PDE4B: variants seen among roughly 807,000 people sequenced by gnomAD.
The protein encoded by PDE4B is phosphodiesterase 4B, also known as 3',5'-cyclic-AMP phosphodiesterase 4B.
PDE4B carries 20 observed loss-of-function variants against 82.2 expected under a neutral mutation model. That is an observed-to-expected ratio of 0.24 (90% CI 0.17 to 0.35). The LOEUF is 0.35. PDE4B is among the 10% of genes least tolerant of loss of function. The pLI is 1.00. For synonymous variants in PDE4B, 320 were observed against 318.9 expected, an observed-to-expected ratio of 1.00 and a Z score of -0.04; for missense variants, 655 against 907.2, an observed-to-expected ratio of 0.72 and a Z score of 3.57.
chr1:66,006,679 G>A (rs780808252), intron 3 of PDE4B, among the ~76,000 whole-genome samples: 1 of 152,032 alleles, frequency 6.6e-6, no homozygotes, highest in Non-Finnish European at 1.5e-5. Flanking sequence ...TCATGGAGGA[G>A]GTTCCCCCAT....
intron 1 of PDE4B, among the ~76,000 whole-genome samples, chr1:65,879,458 A>G (rs1174122294): frequency 1.3e-5 from 2 of 152,334 alleles, no homozygotes; most frequent in African/African-American, 4.8e-5. Flanking sequence ...ATAAATAAAT[A>G]ACATATAAAA....
intron 3 of PDE4B, among the ~76,000 whole-genome samples, chr1:65,982,236 T>C (rs910143842): frequency 2.0e-5 from 3 of 152,228 alleles, no homozygotes; most frequent in Non-Finnish European, 4.4e-5. Flanking sequence ...CGTGGCCTAC[T>C]TGTGTTCTAG....
intron 3 of PDE4B, among the ~76,000 whole-genome samples, chr1:65,929,563 C>T (rs1647713929): frequency 6.6e-6 from 1 of 152,196 alleles, no homozygotes; most frequent in Non-Finnish European, 1.5e-5. Context: ...GGAAATAAGA[C>T]TTTCACTTAG....
At position 65,965,752 on chromosome 1, in the gene PDE4B, A is replaced by G. The variant is rs58979148; in HGVS notation, c.281+46917A>G. Among the ~76,000 whole-genome samples the G allele has an allele frequency of 2.1e-4, 32 of 152,056 alleles. No individual in the cohort carries two copies. In the East Asian group the frequency reaches 5.0e-3, roughly 24 times the overall value. ...ATTGGCACTCAACAAAAACATGCATATTTTTCTTTAAGACTGTTGAATAAA... is the reference window on the plus strand; with the variant it reads ...ATTGGCACTCAACAAAAACATGCATGTTTTTCTTTAAGACTGTTGAATAAA... On this transcript the variant is annotated intron_variant, in intron 3 of 16. Transcript: ENST00000341517.
intron 3 of PDE4B, among the ~76,000 whole-genome samples, chr1:66,037,479 T>C (rs948013439): frequency 6.6e-6 from 1 of 152,216 alleles, no homozygotes; most frequent in Non-Finnish European, 1.5e-5. Flanking sequence ...CCTGTAACTT[T>C]ACTGAATTTG....
intron 3 of PDE4B, among the ~76,000 whole-genome samples, chr1:66,190,088 C>T (rs1483978418): frequency 6.6e-6 from 1 of 152,184 alleles, no homozygotes; most frequent in Non-Finnish European, 1.5e-5. Context: ...TTGGAGTTTA[C>T]TGGAGGTCCA....
chr1:66,148,043 G>A, intron 3 of PDE4B, among the ~76,000 whole-genome samples: 1 of 152,166 alleles, frequency 6.6e-6, no homozygotes, highest in Non-Finnish European at 1.5e-5. Flanking sequence ...GGTGGAGATA[G>A]ATGGATTCTT....
At chr1:66,198,259 A>G (rs969926118) in intron 3 of PDE4B, among the ~76,000 whole-genome samples, 2 of 152,150 alleles carry the variant, frequency 1.3e-5, no homozygotes, top group Admixed American at 6.6e-5. Context: ...CTTCTGAGTG[A>G]TTGCAAAATA....
chr1:66,330,761 C>T (rs780317164), intron 7 of PDE4B: 27 of 985,148 alleles, frequency 2.7e-5, no homozygotes, highest in East Asian at 1.1e-4. Context: ...GGGGTTGTTT[C>T]GGACACACTA....
At chr1:65,977,094 A>G (rs1386544202) in intron 3 of PDE4B, among the ~76,000 whole-genome samples, 1 of 152,208 alleles carries the variant, frequency 6.6e-6, no homozygotes, top group African/African-American at 2.4e-5. Flanking sequence ...TTGATCTACT[A>G]GTTATAATTC....
chr1:66,350,272 A>T (rs186223269), intron 8 of PDE4B, among the ~76,000 whole-genome samples: 4 of 152,262 alleles, frequency 2.6e-5, no homozygotes, highest in Admixed American at 2.0e-4. Context: ...CTGCAAAAAC[A>T]GGAAGATCCC....
At chr1:65,806,332 T>C (rs992545554) in intron 1 of PDE4B, among the ~76,000 whole-genome samples, 6 of 152,232 alleles carry the variant, frequency 3.9e-5, no homozygotes, top group Admixed American at 2.0e-4. Context: ...ATTTTATGTA[T>C]GACTAAGAAA....
chr1:66,295,372 C>T (rs1657430437), intron 7 of PDE4B, among the ~76,000 whole-genome samples: 1 of 152,138 alleles, frequency 6.6e-6, no homozygotes, highest in Non-Finnish European at 1.5e-5. Flanking sequence ...CTTACCTTTA[C>T]TATATATGCT....
chr1:66,263,871 G>T (rs550028647), intron 6 of PDE4B, among the ~76,000 whole-genome samples: 6 of 152,102 alleles, frequency 3.9e-5, no homozygotes, highest in African/African-American at 1.4e-4. Context: ...GCAGGAAAGG[G>T]GCAGCACATA....
chr1:66,037,894 T>C (rs1180433081), intron 3 of PDE4B, among the ~76,000 whole-genome samples: 1 of 152,188 alleles, frequency 6.6e-6, no homozygotes, highest in Non-Finnish European at 1.5e-5. Context: ...ATATTAAAGC[T>C]TCCTCTATTA....
chr1:65,950,318 A>G (rs1231379841), intron 3 of PDE4B, among the ~76,000 whole-genome samples: 1 of 152,076 alleles, frequency 6.6e-6, no homozygotes, highest in African/African-American at 2.4e-5. Context: ...TCCAAGGACT[A>G]TCAACATTCC....
At chr1:66,082,415 G>A (rs1185067897) in intron 3 of PDE4B, among the ~76,000 whole-genome samples, 1 of 152,004 alleles carries the variant, frequency 6.6e-6, no homozygotes, top group African/African-American at 2.4e-5. Context: ...CATTACTTCT[G>A]TTTCTCTTTT....
At chr1:66,007,614 G>T (rs983855680) in intron 3 of PDE4B, among the ~76,000 whole-genome samples, 3 of 152,102 alleles carry the variant, frequency 2.0e-5, no homozygotes, top group Admixed American at 6.5e-5. Flanking sequence ...CCCCTGTTAT[G>T]GTGACATACT....
chr1:65,917,323 A>G (rs1447270865), intron 2 of PDE4B, among the ~76,000 whole-genome samples: 2 of 152,218 alleles, frequency 1.3e-5, no homozygotes, highest in Admixed American at 1.3e-4. Flanking sequence ...GTCTAGTCTC[A>G]GGTTCTCCTA....
Sources: gnomAD v4.1 joint callset for allele counts (sites outside exome capture counted in the v4.1 genomes callset) on GRCh38, gnomAD v4.1.1 for gene constraint, MANE v1.5 for transcripts, NCBI Gene and HGNC (gene_info 2026-07-23, HGNC 2026-07-21) for gene names.